KLHL24: variants seen among roughly 807,000 people sequenced by gnomAD.
KLHL24 encodes the protein kelch-like protein 24.
Under a neutral mutation model 53.4 loss-of-function variants are expected in KLHL24, and 29 were observed. The ratio of observed to expected loss-of-function variants is 0.54; its 90% CI spans 0.40 to 0.74. KLHL24 has a LOEUF of 0.74. Among genes scored for constraint, KLHL24 ranks in the 30% least tolerant of loss-of-function variants. The probability of loss-of-function intolerance (pLI) is 0.00; values close to 1 mark genes in which losing one functional copy is unlikely to be tolerated. For synonymous variants in KLHL24, 222 were observed against 253.7 expected, an observed-to-expected ratio of 0.88 and a Z score of 1.19; for missense variants, 504 against 744.0, an observed-to-expected ratio of 0.68 and a Z score of 3.75.
Position 183,681,971 on chromosome 3 carries a change from A to T in KLHL24, c.*2685A>T, listed in dbSNP as rs1387544649. ...TATACCAAACACCATGAATTTTAGC[A>T]GTCTGTGATGATCAGCAAAAAAGCA... On this transcript the variant is annotated 3_prime_UTR_variant, in exon 8 of 8. Transcript: ENST00000242810. 6 of 152,490 alleles carry T rather than the reference A, an allele frequency of 3.9e-5. No individual in the cohort carries two copies. Among genetic ancestry groups the T allele is most frequent in the Admixed American group, 2.6e-4 (4 of 15,276 alleles). 9.4% of individuals were successfully genotyped at this position (152,490 alleles called of 1,614,324 possible).
At chr3:183,651,929 GA>G (rs1436132448) in intron 3 of KLHL24, among the ~76,000 whole-genome samples, 3 of 149,252 alleles carry the variant, frequency 2.0e-5, no homozygotes, top group Non-Finnish European at 4.4e-5. Flanking sequence ...CTGGGCAACA[GA>G]GTGAGACTCT....
chr3:183,657,354 A>G (rs1719057882), intron 3 of KLHL24, among the ~76,000 whole-genome samples: 1 of 152,184 alleles, frequency 6.6e-6, no homozygotes, highest in Non-Finnish European at 1.5e-5. Flanking sequence ...CTAAGACTTA[A>G]TAAGTTCATC....
Position 183,663,572 on chromosome 3 carries a change from G to T in KLHL24, c.1035G>T (p.Leu345Phe). 6.2e-7 allele frequency: 1 copy of T among 1,608,062 alleles called. No homozygotes were observed. Among genetic ancestry groups the T allele is most frequent in the Non-Finnish European group, 8.5e-7 (1 of 1,176,276 alleles). ...CTGTAACAGGAGAATGGAAGTCTTT[G>T]GCTAAGCTTCCAGAATTTACCAAAT... ...YDPVTGEWKS[L>F]AKLPEFTKSE... is the part of the protein sequence containing the mutation. Residue 345 changes from leucine to phenylalanine, a missense_variant, in exon 4 of 8, where the codon TTG (leucine) becomes TTT (phenylalanine). Leu to Phe is a conservative substitution (Grantham distance 22). Coordinates refer to ENST00000242810, the MANE Select transcript of KLHL24 (RefSeq NM_017644.3). This position sits in a 1 kb window ranked among gnomAD's most constrained non-coding sequence, Gnocchi z 4.9.
At chr3:183,659,856 T>C (rs1719459065) in intron 3 of KLHL24, among the ~76,000 whole-genome samples, 1 of 152,208 alleles carries the variant, frequency 6.6e-6, no homozygotes, top group South Asian at 2.1e-4. Context: ...TATTTACCTA[T>C]GGTCATGGGA....
In KLHL24 at chr3:183,684,389, ATACT is replaced by A. The variant is rs1164904994; in HGVS notation, c.*5111_*5114del. On this transcript the variant is annotated 3_prime_UTR_variant, in exon 8 of 8. Transcript: ENST00000242810. ...TTCTTAGTTAAGTTGTAGCACGTGA[ATACT>A]TACTTACATGTTTTGTTTAAATATA... is the stretch of plus-strand genomic sequence containing the variant. The A allele has an allele frequency of 3.5e-4, 53 of 152,748 alleles. No homozygotes were observed. Among genetic ancestry groups the A allele is most frequent in the African/African-American group, 1.3e-3 (53 of 41,570 alleles). The allele number at this position is 152,748 out of a possible 1,614,324, so 9.5% of individuals were successfully genotyped here. A position where few individuals can be genotyped will look rare whatever the true frequency, so the allele number is the denominator to read the frequency against.
intron 7 of KLHL24, 75 bp downstream of exon 7, chr3:183,672,559 G>A: frequency 9.3e-7 from 1 of 1,070,766 alleles, no homozygotes; most frequent in Non-Finnish European, 1.3e-6. Flanking sequence ...TAATACACTG[G>A]AATTTCAATT....
At chr3:183,664,193 CA>C (rs1720205788) in intron 4 of KLHL24, 1 of 152,158 alleles carries the variant, frequency 6.6e-6, no homozygotes, top group Non-Finnish European at 1.5e-5. Flanking sequence ...TTAATCATGT[CA>C]TATTTTAAAT....
intron 2 of KLHL24, among the ~76,000 whole-genome samples, chr3:183,647,076 G>T (rs1417244441): frequency 6.0e-5 from 9 of 149,770 alleles, no homozygotes; most frequent in Non-Finnish European, 1.2e-4. Flanking sequence ...CTTCCAAAGT[G>T]CTGGGATTGC....
chr3:183,650,556 A>G lies in KLHL24; in HGVS notation c.200A>G (p.Asp67Gly). ...TTTCGTGATAGCCGCTTATTCACAG[A>G]TGTTATCATTTGTGTGGAAGGAAAA... is the stretch of plus-strand genomic sequence containing the variant. ...NEFRDSRLFTDVIICVEGKEF... is the reference protein window; with the variant it reads ...NEFRDSRLFTGVIICVEGKEF... The change falls in exon 3 of 8, where the codon GAT (aspartate) becomes GGT (glycine). Residue 67 changes from aspartate to glycine, a missense_variant. Physicochemically the swap from Asp to Gly is moderately conservative, Grantham distance 94 (BLOSUM62 -1). Transcript: ENST00000242810. This position sits in a 1 kb window ranked among gnomAD's most constrained non-coding sequence, Gnocchi z 4.5. The G allele has an allele frequency of 2.5e-6, 4 of 1,614,060 alleles. No homozygotes were observed. Among genetic ancestry groups the G allele is most frequent in the Non-Finnish European group, 3.4e-6 (4 of 1,179,930 alleles).
Position 183,681,892 on chromosome 3 carries a change from A to C in KLHL24, c.*2606A>C, listed in dbSNP as rs1712714584. The C allele has an allele frequency of 6.6e-6, 1 of 152,532 alleles. No individual in the cohort carries two copies. Among genetic ancestry groups the C allele is most frequent in the Non-Finnish European group, 1.5e-5 (1 of 67,960 alleles). 9.4% of individuals were successfully genotyped at this position (152,532 alleles called of 1,614,324 possible). ...TGCTCATATGAACCTTTGGTTTAGA[A>C]TCTATATATGTACATGTGTATGTAT... On this transcript the variant is annotated 3_prime_UTR_variant, in exon 8 of 8. Transcript: ENST00000242810.
rs1293817127 is a variant in KLHL24, at chr3:183,650,493, C to G, written c.137C>G (p.Ser46Ter). 1 of 1,614,120 alleles carries G rather than the reference C, an allele frequency of 6.2e-7. No homozygotes were observed. The highest frequency in any genetic ancestry group is 1.7e-5 in the Admixed American group (1 of 60,022). Residue 46 changes from serine to a stop codon, truncating the protein, a stop_gained, in exon 3 of 8, where the codon TCA (serine) becomes TGA (stop). Transcript: ENST00000242810. LOFTEE classifies it high-confidence loss of function. This position sits in a 1 kb window ranked among gnomAD's most constrained non-coding sequence, Gnocchi z 4.5. ...GAGTTTTTTGACTTCTCTTCAGGAT[C>G]ATCCCATGCCGAAAACATACTCCAG... Reference protein sequence around the residue: ...GHEFFDFSSGSSHAENILQIF... With the variant: ...GHEFFDFSSG
Position 183,665,583 on chromosome 3 carries a change from T to A in KLHL24, c.1224+544T>A, listed in dbSNP as rs9858325. ...GGCCAATGTGGTGAAACCCCATCTC[T>A]ACTAAAAATACAAAAAATAAGCTGG... On this transcript the variant is annotated intron_variant, in intron 5 of 7. Coordinates refer to ENST00000242810, the MANE Select transcript of KLHL24 (RefSeq NM_017644.3). 7.3e-3 allele frequency among the ~76,000 whole-genome samples: 1,113 copies of A among 152,142 alleles called. 8 individuals carry two copies. Among genetic ancestry groups the A allele is most frequent in the African/African-American group, 0.025 (1,051 of 41,512 alleles).
rs751186011 is a variant in KLHL24, at chr3:183,650,739, A to G, written c.383A>G (p.Lys128Arg). The G allele has an allele frequency of 4.3e-6, 7 of 1,614,078 alleles. No homozygotes were observed. The change falls in exon 3 of 8, where the codon AAG becomes AGG. Residue 128 changes from lysine to arginine, a missense_variant. Physicochemically the swap from Lys to Arg is conservative, Grantham distance 26. Coordinates refer to ENST00000242810, the MANE Select transcript of KLHL24 (RefSeq NM_017644.3). This position sits in a 1 kb window ranked among gnomAD's most constrained non-coding sequence, Gnocchi z 4.5. Reference protein sequence around the residue: ...ECFLQYVYTGKVKITTENVQY... With the variant: ...ECFLQYVYTGRVKITTENVQY... ...TTTTTGCAGTATGTTTATACTGGAA[A>G]GGTGAAGATCACTACAGAGAATGTA...
chr3:183,650,427 G>A lies in KLHL24; in HGVS notation c.71G>A (p.Arg24Gln), dbSNP rs766486516. Residue 24 changes from arginine (R) to glutamine (Q), a missense_variant, in exon 3 of 8, where the codon CGA becomes CAA. By Grantham distance (43) the Arg-to-Gln change is conservative. Transcript: ENST00000242810. The surrounding 1 kb of genome is among the most constrained non-coding windows in gnomAD (Gnocchi z 4.5). Reference protein sequence around the residue: ...LGVRDSPATKRKVFEMDPKSL... With the variant: ...LGVRDSPATKQKVFEMDPKSL... ...GTGCGTGATTCCCCAGCAACTAAGC[G>A]AAAAGTTTTTGAAATGGACCCCAAA... is the stretch of plus-strand genomic sequence containing the variant. 17 of 1,614,000 alleles carry A rather than the reference G, an allele frequency of 1.1e-5. No homozygotes were observed. Among genetic ancestry groups the A allele is most frequent in the South Asian group, 4.4e-5 (4 of 91,088 alleles).
intron 5 of KLHL24, among the ~76,000 whole-genome samples, chr3:183,668,353 C>G (rs1285601599): frequency 2.0e-5 from 3 of 151,956 alleles, no homozygotes; most frequent in East Asian, 1.9e-4. Context: ...AAATAGTGTA[C>G]TTGACTTGAA....
chr3:183,653,689 GAA>G (rs1423978574), intron 3 of KLHL24, among the ~76,000 whole-genome samples: 2 of 152,296 alleles, frequency 1.3e-5, no homozygotes, highest in Middle Eastern at 3.4e-3. Flanking sequence ...GCAGAACAAA[GAA>G]TGATGGTATG....
Position 183,663,584 on chromosome 3 carries a change from A to G in KLHL24, c.1047A>G (p.Pro349=). ...AATGGAAGTCTTTGGCTAAGCTTCC[A>G]GAATTTACCAAATCAGAGTATGCAG... ...TGEWKSLAKL[P]EFTKSEYAVC... Residue 349 remains proline (P), a synonymous_variant, in exon 4 of 8, where the codon CCA becomes CCG. Transcript: ENST00000242810. The surrounding 1 kb of genome is among the most constrained non-coding windows in gnomAD (Gnocchi z 4.9). 1 of 1,608,022 alleles carries G rather than the reference A, an allele frequency of 6.2e-7. No individual in the cohort carries two copies. The highest frequency in any genetic ancestry group is 1.1e-5 in the South Asian group (1 of 89,826).
chr3:183,637,876 C>T (rs1176659458), intron 1 of KLHL24, among the ~76,000 whole-genome samples: 1 of 152,234 alleles, frequency 6.6e-6, no homozygotes, highest in Non-Finnish European at 1.5e-5. Context: ...CCAGGCTAGT[C>T]TTGAACTCCT....
intron 5 of KLHL24, among the ~76,000 whole-genome samples, chr3:183,667,744 T>TC (rs1191487804): frequency 6.6e-6 from 1 of 151,874 alleles, no homozygotes; most frequent in Non-Finnish European, 1.5e-5. Context: ...TGAGATAGGG[T>TC]CTTGCTGTGT....
Sources: gnomAD v4.1 joint callset for allele counts (sites outside exome capture counted in the v4.1 genomes callset) on GRCh38, gnomAD v4.1.1 for gene constraint, Gnocchi (gnomAD v3.1) non-coding constraint, MANE v1.5 for transcripts, NCBI Gene and HGNC (gene_info 2026-07-23, HGNC 2026-07-21) for gene names.